MRPS7: variants seen among roughly 807,000 people sequenced by gnomAD.
MRPS7 encodes the protein mitochondrial ribosomal protein S7.
A neutral mutation model predicts 26.2 loss-of-function variants in MRPS7; 13 were observed. The ratio of observed to expected loss-of-function variants is 0.50; its 90% CI spans 0.32 to 0.79. MRPS7 has a LOEUF of 0.79. MRPS7 is among the 30% of genes least tolerant of loss of function. The pLI is 0.03. For synonymous variants in MRPS7, 129 were observed against 113.3 expected (o/e 1.14, Z -0.88); for missense variants, 318 against 312.2 (o/e 1.02, Z -0.14).
At position 75,266,186 on chromosome 17, in the gene MRPS7, C is replaced by A; in HGVS notation, c.*263C>A. The A allele has an allele frequency of 1.9e-6, 1 of 530,962 alleles. No individual in the cohort carries two copies. Among genetic ancestry groups the A allele is most frequent in the Non-Finnish European group, 3.4e-6 (1 of 295,582 alleles). 32.9% of individuals were successfully genotyped at this position (530,962 alleles called of 1,614,324 possible). On this transcript the variant is annotated 3_prime_UTR_variant, in exon 5 of 5. Transcript: ENST00000245539. The stretch of plus-strand genomic sequence containing the variant: ...AGGAAACTCAGGGCTGTTTTCTCTT[C>A]CCTTAGGTTGGGGCGGACCTTTGGA...
chr17:75,263,626 T>G, intron 4 of MRPS7, 119 bp downstream of exon 4: 1 of 1,291,454 alleles, frequency 7.7e-7, no homozygotes, highest in Non-Finnish European at 1.1e-6. Context: ...ATTGCACCTG[T>G]AATCTCAGCA....
chr17:75,262,435 A>G (rs536041616), intron 1 of MRPS7, 62 bp from the exon 2 acceptor site: 3 of 1,562,870 alleles, frequency 1.9e-6, no homozygotes, highest in East Asian at 4.5e-5. Context: ...CCTATTGTTA[A>G]GTCAAACCTA....
chr17:75,265,112 G>T (rs2077464274), intron 4 of MRPS7, among the ~76,000 whole-genome samples: 1 of 151,960 alleles, frequency 6.6e-6, no homozygotes. Context: ...TGCATTCTTG[G>T]CTCACTGCAA....
At chr17:75,263,658 T>G (rs531775030) in intron 4 of MRPS7, 151 bp downstream of exon 4, 2 of 990,656 alleles carry the variant, frequency 2.0e-6, no homozygotes, top group South Asian at 3.1e-5. Context: ...TAATGCAGGA[T>G]AGCTTGAGCT....
At position 75,266,247 on chromosome 17, in the gene MRPS7, T is replaced by C. The variant is rs901414373; in HGVS notation, c.*324T>C. Reference sequence around the variant, plus strand: ...AAGCAGTTTTAGTATCAGAAAAGATTTATTAGAAAATTCTCACGCTGAACT... The same window carrying C: ...AAGCAGTTTTAGTATCAGAAAAGATCTATTAGAAAATTCTCACGCTGAACT... On this transcript the variant is annotated 3_prime_UTR_variant, in exon 5 of 5. Transcript: ENST00000245539. 1 of 401,838 alleles carries C rather than the reference T, an allele frequency of 2.5e-6. No individual in the cohort carries two copies. The highest frequency in any genetic ancestry group is 4.1e-5 in the Admixed American group (1 of 24,372). 24.9% of individuals were successfully genotyped at this position (401,838 alleles called of 1,614,324 possible). A position where few individuals can be genotyped will look rare whatever the true frequency, so the allele number is the denominator to read the frequency against.
In MRPS7 at chr17:75,263,130, C is replaced by T. The variant is rs115316560; in HGVS notation, c.340-210C>T. 3.3e-5 allele frequency: 21 copies of T among 639,356 alleles called. No individual in the cohort carries two copies. The South Asian group carries it at 3.3e-4, about 10-fold the overall frequency. 39.6% of individuals were successfully genotyped at this position (639,356 alleles called of 1,614,324 possible). A position where few individuals can be genotyped will look rare whatever the true frequency, so the allele number is the denominator to read the frequency against. On this transcript the variant is annotated intron_variant, in intron 3 of 4. Transcript: ENST00000245539. ...CTGCCATTCCCCACCTCACCCCCCA[C>T]CCCCTCCATGCCACAAATCTCAATC...
Position 75,262,141 on chromosome 17 carries a change from T to G in MRPS7, c.83+158T>G, listed in dbSNP as rs181558330. The G allele has an allele frequency of 6.2e-5, 53 of 856,580 alleles. No individual in the cohort carries two copies. The African/African-American group carries it at 8.5e-4, about 14-fold the overall frequency. 53.1% of individuals were successfully genotyped at this position (856,580 alleles called of 1,614,324 possible). On this transcript the variant is annotated intron_variant, in intron 1 of 4. Transcript: ENST00000245539. ...GCGTGACCCTGCGCCAATCCGAAGG[T>G]TTAGTGACTACCTCTCGCCTAAGGA... is the stretch of plus-strand genomic sequence containing the variant.
chr17:75,263,636 A>G, intron 4 of MRPS7, 129 bp downstream of exon 4: 1 of 1,211,254 alleles, frequency 8.3e-7, no homozygotes, highest in Non-Finnish European at 1.2e-6. Flanking sequence ...TAATCTCAGC[A>G]CTTTGGGAGC....
chr17:75,262,927 T>G (rs2145634578), intron 3 of MRPS7, 60 bp downstream of exon 3: 1 of 1,523,558 alleles, frequency 6.6e-7, no homozygotes, highest in African/African-American at 1.4e-5. Context: ...AGCCTTGTAC[T>G]TGGTACTTTC....
intron 4 of MRPS7, 115 bp downstream of exon 4, chr17:75,263,622 C>A: frequency 7.5e-7 from 1 of 1,342,250 alleles, no homozygotes; most frequent in Non-Finnish European, 1.0e-6. Context: ...TGGGATTGCA[C>A]CTGTAATCTC....
Position 75,262,693 on chromosome 17 carries a change from G to T in MRPS7, c.275+5G>T. ...GTTTGAAGACCCAGTCATCAGGTTAGATGGAAACAAACACTTGTTACATGG... is the reference window on the plus strand; with the variant it reads ...GTTTGAAGACCCAGTCATCAGGTTATATGGAAACAAACACTTGTTACATGG... On this transcript the variant is annotated splice_donor_5th_base_variant and intron_variant, in intron 2 of 4. Coordinates refer to ENST00000245539, the MANE Select transcript of MRPS7 (RefSeq NM_015971.4). The T allele has an allele frequency of 6.2e-7, 1 of 1,614,102 alleles. No homozygotes were observed. Among genetic ancestry groups the T allele is most frequent in the Non-Finnish European group, 8.5e-7 (1 of 1,179,984 alleles).
chr17:75,264,766 G>A (rs1233317540), intron 4 of MRPS7, among the ~76,000 whole-genome samples: 19 of 149,578 alleles, frequency 1.3e-4, no homozygotes, highest in African/African-American at 3.2e-4. Flanking sequence ...TGCAGCCTCC[G>A]CCTCCCGGGT....
intron 1 of MRPS7, chr17:75,262,252 T>A (rs1200412839): frequency 1.6e-6 from 1 of 635,380 alleles, no homozygotes; most frequent in Non-Finnish European, 2.7e-6. Context: ...TGAATTGGGA[T>A]GGGTGTGTAG....
intron 4 of MRPS7, 83 bp downstream of exon 4, chr17:75,263,590 G>A (rs766026862): frequency 7.1e-6 from 11 of 1,550,050 alleles, no homozygotes; most frequent in Non-Finnish European, 8.8e-6. Flanking sequence ...GGTCAAGATT[G>A]ATAGCTTTCT....
chr17:75,262,568 G>A lies in MRPS7; in HGVS notation c.155G>A (p.Arg52His). Residue 52 changes from arginine to histidine, a missense_variant, in exon 2 of 5, where the codon CGC becomes CAC. Physicochemically the swap from Arg to His is conservative, Grantham distance 29 (BLOSUM62 0). Coordinates refer to ENST00000245539, the MANE Select transcript of MRPS7 (RefSeq NM_015971.4). ...CCCTTGATTGACAAGGAATATTATC[G>A]CAAGCCAGTGGAGGAGCTAACTGAG... The part of the protein sequence containing the change: ...KDPLIDKEYY[R>H]KPVEELTEEE... The A allele has an allele frequency of 6.2e-7, 1 of 1,614,124 alleles. No individual in the cohort carries two copies. Among genetic ancestry groups the A allele is most frequent in the East Asian group, 2.2e-5 (1 of 44,880 alleles).
Position 75,263,332 on chromosome 17 carries a change from T to C in MRPS7, c.340-8T>C. ...TGGGGCAGCCTCTTCCACCATATTC[T>C]TTTGCAGACTCTGGAAGCTGTGAAA... is the stretch of plus-strand genomic sequence containing the variant. On this transcript the variant is annotated splice_polypyrimidine_tract_variant and splice_region_variant and intron_variant, in intron 3 of 4. Coordinates refer to ENST00000245539, the MANE Select transcript of MRPS7 (RefSeq NM_015971.4). 1.2e-6 allele frequency: 2 copies of C among 1,613,982 alleles called. No homozygotes were observed. The highest frequency in any genetic ancestry group is 1.7e-6 in the Non-Finnish European group (2 of 1,179,986).
At chr17:75,264,257 AAG>A (rs2077452599) in intron 4 of MRPS7, 1 of 151,968 alleles carries the variant, frequency 6.6e-6, no homozygotes, top group African/African-American at 2.4e-5. Context: ...CAGAAGGTGG[AAG>A]AGAGTGAAGA....
At position 75,262,013 on chromosome 17, in the gene MRPS7, GC is replaced by G. The variant is rs2077406694; in HGVS notation, c.83+31del. On this transcript the variant is annotated intron_variant, in intron 1 of 4. Coordinates refer to ENST00000245539, the MANE Select transcript of MRPS7 (RefSeq NM_015971.4). ...GAGGGTGGCGAGCAGCGGCGGGGGG[GC>G]GCTGCGAGGAAGGAAGGGGGCCACA... The G allele has an allele frequency of 2.5e-6, 4 of 1,599,992 alleles. No homozygotes were observed. In the East Asian group the frequency reaches 6.7e-5, roughly 27 times the overall value.
intron 3 of MRPS7, 36 bp downstream of exon 3, chr17:75,262,903 C>T (rs1392481150): frequency 5.0e-6 from 8 of 1,595,420 alleles, no homozygotes; most frequent in Middle Eastern, 1.7e-4. Flanking sequence ...ATCTTTCTTG[C>T]CCCCCTACCC....
Sources: allele counts gnomAD v4.1 joint callset (sites outside exome capture counted in the v4.1 genomes callset), GRCh38; gene constraint gnomAD v4.1.1; transcripts MANE v1.5; gene names NCBI Gene and HGNC (gene_info 2026-07-23, HGNC 2026-07-21).